The following PRKG1 variants were observed in gnomAD, a reference collection of about 807,000 sequenced individuals.
PRKG1 encodes the protein cGMP-dependent protein kinase 1.
Under a neutral mutation model 88.1 loss-of-function variants are expected in PRKG1, and 35 were observed. The ratio of observed to expected loss-of-function variants is 0.40; its 90% CI spans 0.30 to 0.53. The LOEUF (loss-of-function observed/expected upper bound fraction) is 0.53. Ranked by LOEUF, PRKG1 falls within the 20% of genes least tolerant of loss-of-function variation. The pLI, the probability that PRKG1 is intolerant of heterozygous loss-of-function variation, is 0.59. For synonymous variants in PRKG1, 303 were observed against 292.5 expected, an observed-to-expected ratio of 1.04 and a Z score of -0.37; for missense variants, 540 against 839.8, an observed-to-expected ratio of 0.64 and a Z score of 4.41.
chr10:51,737,304 T>A (rs982238927), intron 3 of PRKG1, among the ~76,000 whole-genome samples: 2 of 152,206 alleles, frequency 1.3e-5, no homozygotes, highest in African/African-American at 4.8e-5. Flanking sequence ...TCAAACGCTT[T>A]CTTACCGTTC....
At chr10:51,336,355 A>ACAAT (rs573152064) in intron 2 of PRKG1, among the ~76,000 whole-genome samples, 213 of 151,504 alleles carry the variant, frequency 1.4e-3, no homozygotes, top group Admixed American at 2.5e-3. Flanking sequence ...TCCATCTCAA[A>ACAAT]AAATAAATAA....
chr10:51,362,813 G>A (rs1385308906), intron 2 of PRKG1, among the ~76,000 whole-genome samples: 2 of 151,666 alleles, frequency 1.3e-5, no homozygotes, highest in Non-Finnish European at 2.9e-5. Context: ...GGTGTGTGAC[G>A]TTTCCTTCCC....
intron 2 of PRKG1, among the ~76,000 whole-genome samples, chr10:51,221,883 T>A (rs1443396160): frequency 6.7e-6 from 1 of 148,548 alleles, no homozygotes; most frequent in African/African-American, 2.5e-5. Context: ...TTTCTTTTTT[T>A]TTTTTTTTTT....
intron 4 of PRKG1, among the ~76,000 whole-genome samples, chr10:51,895,203 G>A (rs1297841388): frequency 6.6e-6 from 1 of 152,188 alleles, no homozygotes; most frequent in Non-Finnish European, 1.5e-5. Flanking sequence ...ACATAGAGAA[G>A]GGCAGCGTTT....
At chr10:52,283,511 C>A (rs866623892) in intron 14 of PRKG1, among the ~76,000 whole-genome samples, 2 of 152,206 alleles carry the variant, frequency 1.3e-5, no homozygotes, top group Non-Finnish European at 1.5e-5. Flanking sequence ...ACTACTACAA[C>A]AACGACAGTC....
intron 4 of PRKG1, among the ~76,000 whole-genome samples, chr10:51,899,417 C>A (rs1782676658): frequency 6.6e-6 from 1 of 151,534 alleles, no homozygotes; most frequent in African/African-American, 2.4e-5. Context: ...TACATCTCAG[C>A]ACTTTGGAAG....
At chr10:51,791,120 A>C (rs1838860392) in intron 3 of PRKG1, among the ~76,000 whole-genome samples, 2 of 152,190 alleles carry the variant, frequency 1.3e-5, no homozygotes, top group African/African-American at 4.8e-5. Flanking sequence ...TGGTCGATTC[A>C]TTCAAATTTC....
At chr10:51,425,591 G>T (rs919132166) in intron 2 of PRKG1, among the ~76,000 whole-genome samples, 2 of 152,164 alleles carry the variant, frequency 1.3e-5, no homozygotes, top group African/African-American at 4.8e-5. Flanking sequence ...CAGCAGGGAG[G>T]CCTGGCTTGG....
At chr10:51,003,522 G>T (rs1490444572) in intron 1 of PRKG1, among the ~76,000 whole-genome samples, 1 of 152,166 alleles carries the variant, frequency 6.6e-6, no homozygotes, top group African/African-American at 2.4e-5. Flanking sequence ...CATGTTAAAA[G>T]TCCGGACATG....
At chr10:51,787,332 C>A (rs962946140) in intron 3 of PRKG1, among the ~76,000 whole-genome samples, 4 of 152,062 alleles carry the variant, frequency 2.6e-5, no homozygotes, top group Non-Finnish European at 5.9e-5. Context: ...GTGCTTATGT[C>A]AGAATTAGCA....
At chr10:52,035,213 G>A (rs932548106) in intron 5 of PRKG1, among the ~76,000 whole-genome samples, 1 of 152,114 alleles carries the variant, frequency 6.6e-6, no homozygotes, top group Non-Finnish European at 1.5e-5. Context: ...TCCAGTGAAA[G>A]TATCTACCTA....
chr10:51,171,939 A>C (rs1837037278), intron 2 of PRKG1, among the ~76,000 whole-genome samples: 1 of 151,944 alleles, frequency 6.6e-6, no homozygotes, highest in African/African-American at 2.4e-5. Context: ...TAATTGCACA[A>C]CTCATTTTTT....
intron 3 of PRKG1, among the ~76,000 whole-genome samples, chr10:51,795,796 C>A (rs1454632579): frequency 2.0e-5 from 3 of 152,064 alleles, no homozygotes; most frequent in Non-Finnish European, 4.4e-5. Context: ...AAAAGCTAAT[C>A]ATACTTTTCC....
intron 3 of PRKG1, among the ~76,000 whole-genome samples, chr10:51,523,001 A>G (rs1312227420): frequency 1.3e-5 from 2 of 152,206 alleles, no homozygotes; most frequent in South Asian, 2.1e-4. Context: ...ATTCAAAACA[A>G]TGTCCTTATT....
At chr10:51,854,152 A>T (rs543726780) in intron 4 of PRKG1, among the ~76,000 whole-genome samples, 1 of 151,986 alleles carries the variant, frequency 6.6e-6, no homozygotes, top group East Asian at 1.9e-4. Context: ...AGTCATAGTC[A>T]CTCAGTCATT....
rs1842327104 is a variant in PRKG1 at position 51,542,365 on chromosome 10, A to G, written c.592+74529A>G. Among the ~76,000 whole-genome samples, 7 of 152,236 alleles carry G rather than the reference A, an allele frequency of 4.6e-5. No individual in the cohort carries two copies. In the South Asian group the frequency reaches 1.5e-3, roughly 32 times the overall value. On this transcript the variant is annotated intron_variant, in intron 3 of 17. Transcript: ENST00000373980. ...TGCATCCACCAATTTTATCCCACTA[A>G]TAATCTTATGATGGAGATTACTATT...
chr10:51,589,956 A>C (rs1286831835), intron 3 of PRKG1, among the ~76,000 whole-genome samples: 1 of 152,226 alleles, frequency 6.6e-6, no homozygotes, highest in Non-Finnish European at 1.5e-5. Flanking sequence ...ATCAATTACT[A>C]TGATGAATAG....
intron 7 of PRKG1, among the ~76,000 whole-genome samples, chr10:52,100,193 G>A (rs1374470528): frequency 2.0e-5 from 3 of 152,158 alleles, no homozygotes; most frequent in Non-Finnish European, 2.9e-5. Flanking sequence ...AGACTGGACA[G>A]GAATCCCCTT....
At chr10:51,431,222 G>A (rs1838761195) in intron 2 of PRKG1, among the ~76,000 whole-genome samples, 1 of 152,168 alleles carries the variant, frequency 6.6e-6, no homozygotes, top group African/African-American at 2.4e-5. Flanking sequence ...TTAATTTATG[G>A]AAGTGACAAA....
Sources: gnomAD v4.1 joint callset for allele counts (sites outside exome capture counted in the v4.1 genomes callset) on GRCh38, gnomAD v4.1.1 for gene constraint, MANE v1.5 for transcripts, NCBI Gene and HGNC (gene_info 2026-07-23, HGNC 2026-07-21) for gene names.